Variants in ATP1A1 observed in about 807,000 individuals in gnomAD.
ATP1A1 encodes ATPase Na+/K+ transporting subunit alpha 1, also known as sodium/potassium-transporting ATPase subunit alpha-1.
A neutral mutation model predicts 114.8 loss-of-function variants in ATP1A1; 14 were observed. That is an observed-to-expected ratio of 0.12 (90% confidence interval 0.08 to 0.19). The LOEUF is 0.19. Ranked by LOEUF, ATP1A1 falls within the 10% of genes least tolerant of loss-of-function variation. The pLI, the probability that ATP1A1 is intolerant of heterozygous loss-of-function variation, is 1.00. For synonymous variants in ATP1A1, 471 were observed against 466.3 expected (o/e 1.01, Z -0.13); for missense variants, 524 against 1,290.7 (o/e 0.41, Z 9.10).
At chr1:116,374,022 C>A in intron 1 of ATP1A1, 1 of 1,275,558 alleles carries the variant, frequency 7.8e-7, no homozygotes, top group Non-Finnish European at 9.7e-7. Context: ...TCCGCCGGGG[C>A]CTCCTCCCGG....
At chr1:116,382,482 C>A (rs1028269989) in intron 1 of ATP1A1, 2 of 152,188 alleles carry the variant, frequency 1.3e-5, no homozygotes, top group African/African-American at 4.8e-5. Context: ...AGAATGTTGA[C>A]TATCTTTAGA....
At chr1:116,374,155 A>G (rs1377524319) in intron 1 of ATP1A1, 76 of 1,548,846 alleles carry the variant, frequency 4.9e-5, no homozygotes, top group African/African-American at 6.9e-5. Flanking sequence ...CCCCAAAGAA[A>G]AAACTGGCTG....
chr1:116,393,050 C>A lies in ATP1A1; in HGVS notation c.1467+62C>A. 2 of 1,588,814 alleles carry A rather than the reference C, an allele frequency of 1.3e-6. No individual in the cohort carries two copies. The highest frequency in any genetic ancestry group is 1.8e-4 in the Middle Eastern group (1 of 5,504). On this transcript the variant is annotated intron_variant, in intron 11 of 22. Transcript: ENST00000295598. This position sits in a 1 kb window ranked among gnomAD's most constrained non-coding sequence, Gnocchi z 5.0. Reference sequence around the variant, plus strand: ...AGCTGGGGGACAAAGAGGGGAGGTACATGAGCAGGAAGAGGAAATATTCTC... The same window carrying A: ...AGCTGGGGGACAAAGAGGGGAGGTAAATGAGCAGGAAGAGGAAATATTCTC...
At chr1:116,378,192 T>G (rs553346230) in intron 1 of ATP1A1, among the ~76,000 whole-genome samples, 8 of 152,344 alleles carry the variant, frequency 5.3e-5, no homozygotes, top group African/African-American at 1.9e-4. Flanking sequence ...CACCCTACAC[T>G]TTCTCTTTGG....
At position 116,397,859 on chromosome 1, in the gene ATP1A1, CTTTT is replaced by C. The variant is rs77990511; in HGVS notation, c.1974-17_1974-14del. 45 of 1,466,612 alleles carry C rather than the reference CTTTT, an allele frequency of 3.1e-5. No individual in the cohort carries two copies. The highest frequency in any genetic ancestry group is 9.9e-5 in the Admixed American group (5 of 50,414). 90.8% of individuals were successfully genotyped at this position (1,466,612 alleles called of 1,614,324 possible). On this transcript the variant is annotated intron_variant, in intron 14 of 22. Transcript: ENST00000295598. This position sits in a 1 kb window ranked among gnomAD's most constrained non-coding sequence, Gnocchi z 4.2. ...CACATGCTGGTGATGTGATGCGTGA[CTTTT>C]TTTTTTTTTTTGTCCTAATTCTAGG...
rs748722627 is a variant in ATP1A1, at chr1:116,399,113, A to G, written c.2448+29A>G. 8.1e-6 allele frequency: 13 copies of G among 1,613,618 alleles called. No homozygotes were observed. Among genetic ancestry groups the G allele is most frequent in the Non-Finnish European group, 1.1e-5 (13 of 1,179,716 alleles). The stretch of plus-strand genomic sequence containing the variant: ...AGTGTCACAACAGTCACAGATCGAT[A>G]GTAGTGAGGTGTGAGCTGTGTCTTC... On this transcript the variant is annotated intron_variant, in intron 17 of 22. Transcript: ENST00000295598. This position sits in a 1 kb window ranked among gnomAD's most constrained non-coding sequence, Gnocchi z 5.0.
chr1:116,393,051 A>C lies in ATP1A1; in HGVS notation c.1467+63A>C. On this transcript the variant is annotated intron_variant, in intron 11 of 22. Transcript: ENST00000295598. This position sits in a 1 kb window ranked among gnomAD's most constrained non-coding sequence, Gnocchi z 5.0. The stretch of plus-strand genomic sequence containing the variant: ...GCTGGGGGACAAAGAGGGGAGGTAC[A>C]TGAGCAGGAAGAGGAAATATTCTCC... The C allele has an allele frequency of 6.3e-7, 1 of 1,588,226 alleles. No homozygotes were observed.
chr1:116,380,046 C>T (rs978352874), intron 1 of ATP1A1, among the ~76,000 whole-genome samples: 1 of 152,168 alleles, frequency 6.6e-6, no homozygotes, highest in African/African-American at 2.4e-5. Flanking sequence ...TGTCTGTGGG[C>T]TTTGGAAATA....
intron 1 of ATP1A1, chr1:116,374,310 G>A (rs1267335809): frequency 3.9e-6 from 6 of 1,550,634 alleles, no homozygotes; most frequent in Non-Finnish European, 5.2e-6. Flanking sequence ...AACTGGAGTT[G>A]TCATCCGATG....
At chr1:116,394,553 GTC>G (rs1652749110) in intron 12 of ATP1A1, among the ~76,000 whole-genome samples, 1 of 152,012 alleles carries the variant, frequency 6.6e-6, no homozygotes, top group Non-Finnish European at 1.5e-5. Flanking sequence ...TGAAAAGAAT[GTC>G]TTACATTATC....
chr1:116,398,123 G>A lies in ATP1A1; in HGVS notation c.2124+85G>A. The A allele has an allele frequency of 6.5e-7, 1 of 1,536,406 alleles. No homozygotes were observed. Among genetic ancestry groups the A allele is most frequent in the Non-Finnish European group, 8.9e-7 (1 of 1,128,036 alleles). On this transcript the variant is annotated intron_variant, in intron 15 of 22. Transcript: ENST00000295598. This position sits in a 1 kb window ranked among gnomAD's most constrained non-coding sequence, Gnocchi z 6.1. ...CAGTGGAAACAGAGCAACGGTGATGGATGGATGCATACCTCGCTGTATTAG... is the reference window on the plus strand; with the variant it reads ...CAGTGGAAACAGAGCAACGGTGATGAATGGATGCATACCTCGCTGTATTAG...
At chr1:116,383,852 T>C (rs1422777395) in intron 1 of ATP1A1, among the ~76,000 whole-genome samples, 162 bp from the exon 2 acceptor site, 3 of 152,224 alleles carry the variant, frequency 2.0e-5, no homozygotes, top group African/African-American at 7.2e-5. Flanking sequence ...GCTTTGCTTA[T>C]GTAGTAGGCA....
At chr1:116,400,828 G>C (rs1335980265) in intron 18 of ATP1A1, 33 bp from the exon 19 acceptor site, 2 of 1,592,438 alleles carry the variant, frequency 1.3e-6, no homozygotes. Context: ...TTGTGTGTGA[G>C]GTTCTAGTAA....
intron 14 of ATP1A1, 123 bp downstream of exon 14, chr1:116,396,857 A>G (rs1435390359): frequency 8.0e-7 from 1 of 1,243,882 alleles, no homozygotes; most frequent in East Asian, 2.9e-5. Context: ...ATGTACCTGC[A>G]CTGCCAGAAA....
Position 116,376,077 on chromosome 1 carries a change from C to A in ATP1A1, c.12+2554C>A, listed in dbSNP as rs372121952. On this transcript the variant is annotated intron_variant, in intron 1 of 22. Coordinates refer to ENST00000295598, the MANE Select transcript of ATP1A1 (RefSeq NM_000701.8). ...CTAGGCCTACCACCGGCAACTGTTT[C>A]ACTCACCAAAGGTACACGCCATAAC... is the stretch of plus-strand genomic sequence containing the variant. Among the ~76,000 whole-genome samples, 28 of 152,252 alleles carry A rather than the reference C, an allele frequency of 1.8e-4. No homozygotes were observed. The South Asian group carries it at 2.9e-3, about 16-fold the overall frequency.
chr1:116,390,493 CT>C (rs1388371496), intron 9 of ATP1A1, 82 bp downstream of exon 9: 117,598 of 725,248 alleles, frequency 0.16, 10 homozygotes, highest in South Asian at 0.21. Context: ...CATGAAATTT[CT>C]TTTTTTTTTT....
chr1:116,399,065 T>C lies in ATP1A1; in HGVS notation c.2429T>C (p.Ile810Thr). 1 of 1,614,216 alleles carries C rather than the reference T, an allele frequency of 6.2e-7. No homozygotes were observed. The highest frequency in any genetic ancestry group is 8.5e-7 in the Non-Finnish European group (1 of 1,180,034). Residue 810 changes from isoleucine to threonine, a missense_variant, in exon 17 of 23, where the codon ATT becomes ACT. This residue lies in a region of ATP1A1 where 36 missense variants were observed against 199.6 expected (regional missense o/e 0.18). Transcript: ENST00000295598. The surrounding 1 kb of genome is among the most constrained non-coding windows in gnomAD (Gnocchi z 5.0). ...LPLGTVTILC[I>T]DLGTDMVPAI... ...CTGGGGACTGTCACCATCCTCTGCA[T>C]TGACTTGGGCACTGACATGGTGAGT... is the stretch of plus-strand genomic sequence containing the variant.
chr1:116,401,451 A>C lies in ATP1A1; in HGVS notation c.2850-103A>C. ...ATCTGACCTCCAAGTTTTCAAGTAC[A>C]GCTAATACATAAAGATGTTGATCTG... is the stretch of plus-strand genomic sequence containing the variant. On this transcript the variant is annotated intron_variant, in intron 20 of 22. Transcript: ENST00000295598. The surrounding 1 kb of genome is among the most constrained non-coding windows in gnomAD (Gnocchi z 4.7). 7.0e-7 allele frequency: 1 copy of C among 1,420,572 alleles called. No homozygotes were observed. The highest frequency in any genetic ancestry group is 9.8e-7 in the Non-Finnish European group (1 of 1,024,756). 88.0% of individuals were successfully genotyped at this position (1,420,572 alleles called of 1,614,324 possible).
chr1:116,404,367 G>A lies in ATP1A1; in HGVS notation c.3044-49G>A, dbSNP rs1280678527. On this transcript the variant is annotated intron_variant, in intron 22 of 22. Transcript: ENST00000295598. This position sits in a 1 kb window ranked among gnomAD's most constrained non-coding sequence, Gnocchi z 4.8. ...CTGTTTCCCTCTGTAATGCTGGAGC[G>A]AGGAAGACTCACTGTAGTGTGTCTT... 9.3e-6 allele frequency: 15 copies of A among 1,610,742 alleles called. No individual in the cohort carries two copies. The highest frequency in any genetic ancestry group is 6.7e-5 in the Admixed American group (4 of 59,958).
Sources: allele counts gnomAD v4.1 joint callset (sites outside exome capture counted in the v4.1 genomes callset), GRCh38; gene constraint gnomAD v4.1.1; regional missense constraint gnomAD v4.1.1; non-coding constraint Gnocchi (gnomAD v3.1); transcripts MANE v1.5; gene names NCBI Gene and HGNC (gene_info 2026-07-23, HGNC 2026-07-21).